OSBPL8: variants seen among roughly 807,000 people sequenced by gnomAD.
OSBPL8 encodes oxysterol-binding protein-related protein 8.
A neutral mutation model predicts 125.5 loss-of-function variants in OSBPL8; 59 were observed. The observed-to-expected ratio is 0.47, with a 90% CI of 0.38 to 0.58. The LOEUF (loss-of-function observed/expected upper bound fraction) is 0.58. Ranked by LOEUF, OSBPL8 falls within the 20% of genes least tolerant of loss-of-function variation. OSBPL8 has a pLI of 0.00. For synonymous variants in OSBPL8, 330 were observed against 338.9 expected (o/e 0.97, Z 0.29); for missense variants, 758 against 1,047.8 (o/e 0.72, Z 3.82).
chr12:76,448,745 T>C (rs894714129), intron 4 of OSBPL8, among the ~76,000 whole-genome samples: 4 of 152,240 alleles, frequency 2.6e-5, no homozygotes, highest in Non-Finnish European at 4.4e-5. Flanking sequence ...ATGGGTGCGG[T>C]GGCTCACGCC....
chr12:76,427,414 T>C (rs1445888040), intron 4 of OSBPL8, among the ~76,000 whole-genome samples: 2 of 151,986 alleles, frequency 1.3e-5, no homozygotes, highest in Non-Finnish European at 2.9e-5. Flanking sequence ...AGTAATAAAA[T>C]AATAACATTA....
intron 21 of OSBPL8, among the ~76,000 whole-genome samples, chr12:76,360,519 G>A (rs564274670): frequency 1.5e-4 from 23 of 152,294 alleles, no homozygotes; most frequent in Admixed American, 1.2e-3. Flanking sequence ...TCTAGAGGAC[G>A]GTGGCCCGCT....
intron 4 of OSBPL8, among the ~76,000 whole-genome samples, chr12:76,420,318 C>T (rs975740016): frequency 1.3e-5 from 2 of 152,002 alleles, no homozygotes; most frequent in African/African-American, 4.8e-5. Context: ...TCTATAGATG[C>T]TTTCTTTGTT....
chr12:76,512,954 A>G (rs1235946403), intron 1 of OSBPL8, among the ~76,000 whole-genome samples: 4 of 152,220 alleles, frequency 2.6e-5, no homozygotes, highest in African/African-American at 9.6e-5. Context: ...GGCAATTGTG[A>G]ATGACACTGA....
chr12:76,444,155 G>A (rs965235895), intron 4 of OSBPL8, among the ~76,000 whole-genome samples: 5 of 152,132 alleles, frequency 3.3e-5, no homozygotes, highest in African/African-American at 1.2e-4. Context: ...GCTACATTAA[G>A]TTGGTATGAG....
In OSBPL8 at chr12:76,531,467, AG is replaced by A. The variant is rs202070313; in HGVS notation, c.-68+27929del. On this transcript the variant is annotated intron_variant, in intron 1 of 23. Coordinates refer to ENST00000261183, the MANE Select transcript of OSBPL8 (RefSeq NM_020841.5). ...AGACCAATTGCTTGTACATTTCTAC[AG>A]GCACCTTTTTGGCAAACCCACATGG... Among the ~76,000 whole-genome samples, 597 of 152,344 alleles carry A rather than the reference AG, an allele frequency of 3.9e-3. 8 individuals are homozygous for A. Among genetic ancestry groups the A allele is most frequent in the East Asian group, 0.033 (171 of 5,184 alleles).
intron 8 of OSBPL8, among the ~76,000 whole-genome samples, chr12:76,395,801 A>C (rs972073302): frequency 6.6e-6 from 1 of 152,164 alleles, no homozygotes; most frequent in Non-Finnish European, 1.5e-5. Flanking sequence ...ACTATTTCTT[A>C]ATCACAAACA....
At position 76,428,795 on chromosome 12, in the gene OSBPL8, G is replaced by T. The variant is rs138926201; in HGVS notation, c.218-18161C>A. 5.9e-4 allele frequency among the ~76,000 whole-genome samples: 90 copies of T among 152,174 alleles called. 1 individual carries two copies. In the East Asian group the frequency reaches 0.016, roughly 28 times the overall value. ...AACATGTGAATCAAATAAGAATATA[G>T]TTGACACATTAGAGCAGCTCAGGCT... On this transcript the variant is annotated intron_variant, in intron 4 of 23. Coordinates refer to ENST00000261183, the MANE Select transcript of OSBPL8 (RefSeq NM_020841.5).
intron 1 of OSBPL8, among the ~76,000 whole-genome samples, chr12:76,544,382 G>C (rs1426523568): frequency 6.6e-6 from 1 of 152,116 alleles, no homozygotes; most frequent in Non-Finnish European, 1.5e-5. Flanking sequence ...TGTCACCACA[G>C]AATGTAGGTT....
chr12:76,508,649 T>A (rs1279387353), intron 1 of OSBPL8, among the ~76,000 whole-genome samples: 1 of 152,160 alleles, frequency 6.6e-6, no homozygotes, highest in Non-Finnish European at 1.5e-5. Flanking sequence ...CCAAATCCCA[T>A]CAAAACCGAG....
chr12:76,355,308 C>T lies in OSBPL8; in HGVS notation c.*581G>A, dbSNP rs1019552171. On this transcript the variant is annotated 3_prime_UTR_variant, in exon 24 of 24. Coordinates refer to ENST00000261183, the MANE Select transcript of OSBPL8 (RefSeq NM_020841.5). ...AAAGCAATTTGCCATTTATCTCTCT[C>T]GATGTATTCATTTTGACCATTCATA... 1 of 152,446 alleles carries T rather than the reference C, an allele frequency of 6.6e-6. No homozygotes were observed. Among genetic ancestry groups the T allele is most frequent in the Non-Finnish European group, 1.5e-5 (1 of 67,934 alleles). The allele number at this position is 152,446 out of a possible 1,614,324, so 9.4% of individuals were successfully genotyped here. A position where few individuals can be genotyped will look rare whatever the true frequency, so the allele number is the denominator to read the frequency against.
At chr12:76,492,322 A>G (rs1244742815) in intron 1 of OSBPL8, among the ~76,000 whole-genome samples, 1 of 152,226 alleles carries the variant, frequency 6.6e-6, no homozygotes, top group African/African-American at 2.4e-5. Context: ...ATAGGAGGAA[A>G]GCAATGTAGC....
At chr12:76,433,471 AG>A (rs1384581804) in intron 4 of OSBPL8, among the ~76,000 whole-genome samples, 5 of 152,168 alleles carry the variant, frequency 3.3e-5, no homozygotes, top group Non-Finnish European at 7.3e-5. Flanking sequence ...GCAAAAAAAA[AG>A]AATACTTAGA....
chr12:76,542,951 T>C (rs1299610523), intron 1 of OSBPL8, among the ~76,000 whole-genome samples: 2 of 152,240 alleles, frequency 1.3e-5, no homozygotes, highest in East Asian at 3.8e-4. Context: ...TTAAACAAGA[T>C]GTTCTGCGAG....
In OSBPL8 at chr12:76,358,695, A is replaced by C. The variant is rs905754473; in HGVS notation, c.2434+11T>G. ...GTTAGACTCTCATTAGTCTGCAATA[A>C]ATATTTTTACCTTCACTTCCAGAGG... On this transcript the variant is annotated intron_variant, in intron 22 of 23. Coordinates refer to ENST00000261183, the MANE Select transcript of OSBPL8 (RefSeq NM_020841.5). 5 of 1,587,364 alleles carry C rather than the reference A, an allele frequency of 3.1e-6. No individual in the cohort carries two copies. The highest frequency in any genetic ancestry group is 4.3e-6 in the Non-Finnish European group (5 of 1,155,988).
intron 4 of OSBPL8, among the ~76,000 whole-genome samples, chr12:76,449,666 C>T (rs1272658976): frequency 2.0e-5 from 3 of 152,150 alleles, no homozygotes; most frequent in South Asian, 2.1e-4. Flanking sequence ...TTTTAATATT[C>T]TGTGCAACAG....
intron 1 of OSBPL8, among the ~76,000 whole-genome samples, chr12:76,524,367 CCTATAA>C (rs1950106635): frequency 2.0e-5 from 3 of 152,134 alleles, no homozygotes; most frequent in South Asian, 4.1e-4. Flanking sequence ...CTTTTAGCAT[CCTATAA>C]CTACTGACAG....
At chr12:76,530,003 A>G (rs1950289447) in intron 1 of OSBPL8, among the ~76,000 whole-genome samples, 1 of 152,052 alleles carries the variant, frequency 6.6e-6, no homozygotes, top group Non-Finnish European at 1.5e-5. Context: ...CCATCCACAA[A>G]AGCCTCTATG....
intron 1 of OSBPL8, among the ~76,000 whole-genome samples, chr12:76,511,536 GTGTC>G (rs767308694): frequency 1.3e-5 from 2 of 152,170 alleles, no homozygotes; most frequent in East Asian, 3.8e-4. Flanking sequence ...CTTTCGAAAA[GTGTC>G]TGTTCATGTC....
Sources: allele counts gnomAD v4.1 joint callset (sites outside exome capture counted in the v4.1 genomes callset), GRCh38; gene constraint gnomAD v4.1.1; transcripts MANE v1.5; gene names NCBI Gene and HGNC (gene_info 2026-07-23, HGNC 2026-07-21).